RABGAP1L: variants seen among roughly 807,000 people sequenced by gnomAD.
RABGAP1L encodes RAB GTPase activating protein 1 like.
RABGAP1L carries 63 observed loss-of-function variants against 137.7 expected under a neutral mutation model. The observed-to-expected ratio is 0.46, with a 90% confidence interval of 0.37 to 0.56. RABGAP1L has a LOEUF of 0.56. Among genes scored for constraint, RABGAP1L ranks in the 20% least tolerant of loss-of-function variants. RABGAP1L has a pLI of 0.00. For missense variants in RABGAP1L, 1,095 were observed against 1,244.0 expected, an observed-to-expected ratio of 0.88 and a Z score of 1.80; for synonymous variants, 431 against 433.7, an observed-to-expected ratio of 0.99 and a Z score of 0.08.
intron 18 of RABGAP1L, among the ~76,000 whole-genome samples, chr1:174,774,456 G>A (rs1055173143): frequency 2.0e-5 from 3 of 151,842 alleles, no homozygotes; most frequent in African/African-American, 4.8e-5. Context: ...AAATAGCAAG[G>A]CATAGTGGCC....
chr1:174,613,702 G>C (rs1392030638), intron 13 of RABGAP1L, among the ~76,000 whole-genome samples: 1 of 152,154 alleles, frequency 6.6e-6, no homozygotes, highest in African/African-American at 2.4e-5. Context: ...AAGTCTCTTT[G>C]TAGGTTACTC....
At chr1:174,637,989 GGCCT>G (rs959390714) in intron 14 of RABGAP1L, among the ~76,000 whole-genome samples, 1 of 151,944 alleles carries the variant, frequency 6.6e-6, no homozygotes, top group Admixed American at 6.6e-5. Context: ...ATTATAAGTA[GGCCT>G]GGAAAAAACC....
chr1:174,795,953 AATAAAGTTC>A (rs1173621502), intron 18 of RABGAP1L, among the ~76,000 whole-genome samples: 71 of 152,288 alleles, frequency 4.7e-4, no homozygotes, highest in African/African-American at 1.7e-3. Context: ...TACATGTGTT[AATAAAGTTC>A]TGTTTATGTT....
chr1:174,438,891 T>C (rs1653792642), intron 13 of RABGAP1L, among the ~76,000 whole-genome samples: 1 of 151,396 alleles, frequency 6.6e-6, no homozygotes, highest in African/African-American at 2.4e-5. Context: ...TGTTTTTAAA[T>C]TTTGTTTCCT....
chr1:174,897,984 A>G (rs539376708), intron 19 of RABGAP1L: 2 of 151,768 alleles, frequency 1.3e-5, no homozygotes, highest in South Asian at 2.1e-4. Flanking sequence ...ATCTCAAAAA[A>G]AAAAAAAAAA....
chr1:174,472,408 A>G (rs529053257), intron 13 of RABGAP1L, among the ~76,000 whole-genome samples: 2 of 152,292 alleles, frequency 1.3e-5, no homozygotes, highest in Admixed American at 1.3e-4. Flanking sequence ...TTTTAAGTCC[A>G]ATTTTGTTGA....
chr1:174,634,972 A>T (rs909084507), intron 13 of RABGAP1L, among the ~76,000 whole-genome samples: 1 of 150,326 alleles, frequency 6.7e-6, no homozygotes, highest in African/African-American at 2.4e-5. Flanking sequence ...AGCATGGCAC[A>T]TGTATACATA....
At chr1:174,257,548 A>G (rs1673233319) in intron 7 of RABGAP1L, among the ~76,000 whole-genome samples, 1 of 152,220 alleles carries the variant, frequency 6.6e-6, no homozygotes, top group Non-Finnish European at 1.5e-5. Flanking sequence ...ATATTCATAC[A>G]ACAATTTTAT....
At chr1:174,635,894 G>T (rs10912829) in intron 13 of RABGAP1L, among the ~76,000 whole-genome samples, 56,203 of 151,986 alleles carry the variant, frequency 0.37, 13,656 homozygotes, top group African/African-American at 0.69. Context: ...GCTATCAAGA[G>T]AAAGAAAAAT....
intron 13 of RABGAP1L, among the ~76,000 whole-genome samples, chr1:174,596,471 G>A (rs1167164679): frequency 2.0e-5 from 3 of 152,074 alleles, no homozygotes; most frequent in Admixed American, 2.0e-4. Context: ...TTTATTTGTA[G>A]CTGTTGCAAA....
At chr1:174,879,187 G>A (rs1322924988) in intron 19 of RABGAP1L, among the ~76,000 whole-genome samples, 3 of 147,946 alleles carry the variant, frequency 2.0e-5, no homozygotes, top group South Asian at 2.2e-4. Context: ...TGCAACCTCC[G>A]CCTCCCATGT....
intron 1 of RABGAP1L, among the ~76,000 whole-genome samples, chr1:174,163,282 C>T (rs1482805975): frequency 6.6e-6 from 1 of 152,122 alleles, no homozygotes; most frequent in Non-Finnish European, 1.5e-5. Flanking sequence ...TCAGTGGACC[C>T]TAATAAGGAA....
At chr1:174,801,774 GTTTTGTTTT>G (rs1688779883) in intron 18 of RABGAP1L, among the ~76,000 whole-genome samples, 1 of 42,618 alleles carries the variant, frequency 2.3e-5, no homozygotes, top group Non-Finnish European at 9.7e-5. Context: ...TTAGAAAGGA[GTTTTGTTTT>G]GTTTTGTTTT....
intron 7 of RABGAP1L, among the ~76,000 whole-genome samples, chr1:174,254,423 A>G (rs1489092203): frequency 2.0e-5 from 3 of 152,128 alleles, no homozygotes; most frequent in Non-Finnish European, 4.4e-5. Context: ...TGTACCCATC[A>G]GCCCATCATC....
intron 8 of RABGAP1L, among the ~76,000 whole-genome samples, chr1:174,274,481 A>G (rs1477023485): frequency 6.6e-6 from 1 of 152,192 alleles, no homozygotes; most frequent in Admixed American, 6.6e-5. Flanking sequence ...TTGGAGCAAC[A>G]GCCTAGTTGT....
chr1:174,322,003 G>A (rs1348123331), intron 11 of RABGAP1L, among the ~76,000 whole-genome samples: 1 of 151,950 alleles, frequency 6.6e-6, no homozygotes, highest in Admixed American at 6.6e-5. Context: ...TTTATCAGAT[G>A]TGTTTTGCAC....
intron 13 of RABGAP1L, among the ~76,000 whole-genome samples, chr1:174,456,519 A>T (rs980161075): frequency 6.6e-6 from 1 of 152,022 alleles, no homozygotes; most frequent in Non-Finnish European, 1.5e-5. Flanking sequence ...GATGGACAAG[A>T]TTTTGATGTT....
chr1:174,635,831 G>T (rs1015277144), intron 13 of RABGAP1L, among the ~76,000 whole-genome samples: 3 of 152,140 alleles, frequency 2.0e-5, no homozygotes, highest in African/African-American at 4.8e-5. Flanking sequence ...AGCAAGAAAG[G>T]GTAGTGGCTT....
At chr1:174,412,327 T>G (rs1650033108) in intron 13 of RABGAP1L, among the ~76,000 whole-genome samples, 1 of 152,160 alleles carries the variant, frequency 6.6e-6, no homozygotes, top group African/African-American at 2.4e-5. Flanking sequence ...TAGATCTTCC[T>G]CCATCCCTTT....
Sources: gnomAD v4.1 joint callset for allele counts (sites outside exome capture counted in the v4.1 genomes callset) on GRCh38, gnomAD v4.1.1 for gene constraint, MANE v1.5 for transcripts, NCBI Gene and HGNC (gene_info 2026-07-23, HGNC 2026-07-21) for gene names.